The following SLC43A2 variants were observed in gnomAD, a reference collection of about 807,000 sequenced individuals.
SLC43A2 encodes large neutral amino acids transporter small subunit 4.
In SLC43A2, 38 loss-of-function variants were observed where a neutral mutation model predicts 63.2. The observed-to-expected ratio is 0.60, with a 90% CI of 0.46 to 0.79. The LOEUF (loss-of-function observed/expected upper bound fraction) is 0.79. Among genes scored for constraint, SLC43A2 ranks in the 30% least tolerant of loss-of-function variants. The pLI is 0.00. For synonymous variants in SLC43A2, 322 were observed against 331.0 expected, an observed-to-expected ratio of 0.97 and a Z score of 0.30; for missense variants, 644 against 756.2, an observed-to-expected ratio of 0.85 and a Z score of 1.74.
intron 9 of SLC43A2, among the ~76,000 whole-genome samples, chr17:1,587,870 C>T (rs1050257130): frequency 5.3e-5 from 8 of 152,206 alleles, no homozygotes; most frequent in Non-Finnish European, 1.0e-4. Context: ...GCAGGGGGCA[C>T]CCGACCCATC....
rs183355438 is a variant in SLC43A2 at position 1,611,139 on chromosome 17, C to T, written c.501+2056G>A. Among the ~76,000 whole-genome samples the T allele has an allele frequency of 5.3e-5, 8 of 152,252 alleles. No homozygotes were observed. In the East Asian group the frequency reaches 9.7e-4, roughly 18 times the overall value. The stretch of plus-strand genomic sequence containing the variant: ...GATTACAGGTGTGAGCCACCGCACC[C>T]GGCCTAAAGTCTTTCTTAACAGGGA... On this transcript the variant is annotated intron_variant, in intron 5 of 13. Coordinates refer to ENST00000301335, the MANE Select transcript of SLC43A2 (RefSeq NM_152346.3).
intron 9 of SLC43A2, among the ~76,000 whole-genome samples, chr17:1,590,519 C>CT (rs1904647583): frequency 6.6e-6 from 1 of 152,166 alleles, no homozygotes; most frequent in African/African-American, 2.4e-5. Context: ...ACACACACGG[C>CT]AACCCTCCCC....
Position 1,572,408 on chromosome 17 carries a change from G to C in SLC43A2, c.*3196C>G, listed in dbSNP as rs1337603783. 2.0e-5 allele frequency: 3 copies of C among 152,338 alleles called. No individual in the cohort carries two copies. Among genetic ancestry groups the C allele is most frequent in the Non-Finnish European group, 4.4e-5 (3 of 68,178 alleles). The allele number at this position is 152,338 out of a possible 1,614,324, so 9.4% of individuals were successfully genotyped here. On this transcript the variant is annotated 3_prime_UTR_variant, in exon 14 of 14. Coordinates refer to ENST00000301335, the MANE Select transcript of SLC43A2 (RefSeq NM_152346.3). ...GTCTTAAGACCCATATATGAGTGCTGGCTCTGACCTTGAACAAGCTCCTCC... is the reference window on the plus strand; with the variant it reads ...GTCTTAAGACCCATATATGAGTGCTCGCTCTGACCTTGAACAAGCTCCTCC...
chr17:1,591,192 G>T (rs1271777163), intron 8 of SLC43A2, 77 bp downstream of exon 8: 8 of 1,547,240 alleles, frequency 5.2e-6, no homozygotes, highest in Non-Finnish European at 7.0e-6. Flanking sequence ...CCCTTTTGGG[G>T]TGAGGTGGGA....
At position 1,572,270 on chromosome 17, in the gene SLC43A2, C is replaced by A. The variant is rs1161774420; in HGVS notation, c.*3334G>T. 7.6e-6 allele frequency: 1 copy of A among 130,982 alleles called. No individual in the cohort carries two copies. The highest frequency in any genetic ancestry group is 1.7e-5 in the Non-Finnish European group (1 of 59,858). 8.1% of individuals were successfully genotyped at this position (130,982 alleles called of 1,614,324 possible). A position where few individuals can be genotyped will look rare whatever the true frequency, so the allele number is the denominator to read the frequency against. On this transcript the variant is annotated 3_prime_UTR_variant, in exon 14 of 14. Transcript: ENST00000301335. ...CCCCCTGCCACAGAGGCCCCCCCCC[C>A]GCCACAGAGGTCCCCCCTGCCACAG...
chr17:1,619,579 G>T (rs1403737359), intron 2 of SLC43A2, among the ~76,000 whole-genome samples: 1 of 152,206 alleles, frequency 6.6e-6, no homozygotes, highest in African/African-American at 2.4e-5. Context: ...GTGGAGCTCA[G>T]AGCGGTCATG....
intron 5 of SLC43A2, among the ~76,000 whole-genome samples, chr17:1,612,038 C>G (rs112316191): frequency 3.1e-3 from 479 of 152,152 alleles, no homozygotes; most frequent in African/African-American, 0.011. Context: ...GATCTTGGCT[C>G]ACGGCAACCT....
chr17:1,571,405 G>A lies in SLC43A2; in HGVS notation c.*4199C>T, dbSNP rs751692184. The A allele has an allele frequency of 6.6e-6, 1 of 152,258 alleles. No individual in the cohort carries two copies. Among genetic ancestry groups the A allele is most frequent in the Non-Finnish European group, 1.5e-5 (1 of 68,074 alleles). The allele number at this position is 152,258 out of a possible 1,614,324, so 9.4% of individuals were successfully genotyped here. A position where few individuals can be genotyped will look rare whatever the true frequency, so the allele number is the denominator to read the frequency against. Reference sequence around the variant, plus strand: ...GAGCCCGACGGCTGATTCTGTGGAGGCTTCTCAGAGCTCCTGGCAGGAGCC... The same window carrying A: ...GAGCCCGACGGCTGATTCTGTGGAGACTTCTCAGAGCTCCTGGCAGGAGCC... On this transcript the variant is annotated 3_prime_UTR_variant, in exon 14 of 14. Transcript: ENST00000301335. The surrounding 1 kb of genome is among the most constrained non-coding windows in gnomAD (Gnocchi z 5.2).
chr17:1,603,360 C>T lies in SLC43A2; in HGVS notation c.501+9835G>A, dbSNP rs151108876. ...ATTGACTGCTGTCAGGATGTTTATG[C>T]TTTGGGTTTCACTGGTCAAGGTCAT... On this transcript the variant is annotated intron_variant, in intron 5 of 13. Coordinates refer to ENST00000301335, the MANE Select transcript of SLC43A2 (RefSeq NM_152346.3). Among the ~76,000 whole-genome samples, 1,442 of 152,204 alleles carry T rather than the reference C, an allele frequency of 9.5e-3. 14 individuals are homozygous for T. Among genetic ancestry groups the T allele is most frequent in the Middle Eastern group, 0.017 (5 of 294 alleles).
At chr17:1,622,294 T>C (rs1038857929) in intron 2 of SLC43A2, among the ~76,000 whole-genome samples, 9 of 152,366 alleles carry the variant, frequency 5.9e-5, no homozygotes, top group African/African-American at 1.4e-4. Context: ...CTGGGCGCGG[T>C]GGCTCACGCC....
intron 5 of SLC43A2, among the ~76,000 whole-genome samples, chr17:1,602,913 C>A (rs1453639960): frequency 6.6e-6 from 1 of 151,420 alleles, no homozygotes; most frequent in Non-Finnish European, 1.5e-5. Flanking sequence ...CACCCGCCAC[C>A]ACACCCGGCT....
At chr17:1,618,412 A>C (rs530996722) in intron 2 of SLC43A2, among the ~76,000 whole-genome samples, 8 of 152,366 alleles carry the variant, frequency 5.3e-5, no homozygotes, top group African/African-American at 1.4e-4. Flanking sequence ...GAAAGCACTC[A>C]ATAATGAATA....
chr17:1,584,177 G>A (rs1017163457), intron 10 of SLC43A2, among the ~76,000 whole-genome samples: 2 of 152,092 alleles, frequency 1.3e-5, no homozygotes, highest in African/African-American at 4.8e-5. Context: ...ACAGGTGTGA[G>A]CCACCGCGCC....
At chr17:1,587,122 G>A (rs914515291) in intron 9 of SLC43A2, among the ~76,000 whole-genome samples, 13 of 31,032 alleles carry the variant, frequency 4.2e-4, no homozygotes, top group Non-Finnish European at 8.5e-4. Context: ...CACTAAGCGT[G>A]ACTCGGGGCG....
intron 5 of SLC43A2, among the ~76,000 whole-genome samples, chr17:1,599,151 C>T (rs113483271): frequency 0.041 from 6,255 of 152,006 alleles, 365 homozygotes; most frequent in African/African-American, 0.13. Flanking sequence ...CCATCCTGGC[C>T]AACATGGTGA....
At chr17:1,625,235 G>A (rs900998324) in intron 2 of SLC43A2, among the ~76,000 whole-genome samples, 3 of 152,320 alleles carry the variant, frequency 2.0e-5, no homozygotes, top group Non-Finnish European at 4.4e-5. Flanking sequence ...CAAACTGCGG[G>A]GCAGCCGAGA....
chr17:1,575,723 G>A lies in SLC43A2; in HGVS notation c.1591C>T (p.Leu531Phe). Residue 531 changes from leucine to phenylalanine, a missense_variant, in exon 14 of 14, where the codon CTC becomes TTC. Leu to Phe is a conservative substitution (Grantham distance 22). Transcript: ENST00000301335. ...CGGTAGCAGATCAGGTAGAGCGGGA[G>A]GCAGAAGCCCAGCAGGCTGAGAAGG... ...LLLLSLLGFC[L>F]PLYLICYRRQ... is the part of the protein sequence containing the mutation. 1 of 1,613,690 alleles carries A rather than the reference G, an allele frequency of 6.2e-7. No homozygotes were observed. Among genetic ancestry groups the A allele is most frequent in the Non-Finnish European group, 8.5e-7 (1 of 1,179,932 alleles).
intron 5 of SLC43A2, among the ~76,000 whole-genome samples, chr17:1,603,366 G>A (rs375908664): frequency 9.2e-4 from 140 of 152,180 alleles, no homozygotes; most frequent in African/African-American, 3.2e-3. Context: ...TATGCTTTGG[G>A]TTTCACTGGT....
intron 5 of SLC43A2, among the ~76,000 whole-genome samples, chr17:1,601,920 A>T (rs1026598039): frequency 1.3e-5 from 2 of 150,724 alleles, no homozygotes; most frequent in African/African-American, 4.9e-5. Context: ...CTGCACCGAG[A>T]CTACCCCAGG....
Sources: allele counts gnomAD v4.1 joint callset (sites outside exome capture counted in the v4.1 genomes callset), GRCh38; gene constraint gnomAD v4.1.1; non-coding constraint Gnocchi (gnomAD v3.1); transcripts MANE v1.5; gene names NCBI Gene and HGNC (gene_info 2026-07-23, HGNC 2026-07-21).